CAND1: variants seen among roughly 807,000 people sequenced by gnomAD.
CAND1 encodes the protein cullin associated and neddylation dissociated 1.
A neutral mutation model predicts 108.5 loss-of-function variants in CAND1; 7 were observed. The observed-to-expected ratio is 0.06, with a 90% CI of 0.04 to 0.12. The LOEUF is 0.12. Ranked by LOEUF, CAND1 falls within the 10% of genes least tolerant of loss-of-function variation. CAND1 has a pLI of 1.00. For missense variants in CAND1, 941 were observed against 1,448.7 expected (o/e 0.65, Z 5.69); for synonymous variants, 534 against 512.0 (o/e 1.04, Z -0.58).
rs139132480 is a variant in CAND1, at chr12:67,310,391, A to G, written c.3360+75A>G. On this transcript the variant is annotated intron_variant, in intron 13 of 14. Transcript: ENST00000545606. ...AGAGCAACTTTCACCCTTGTAATTT[A>G]CTCATGTGTCTGAGAAAAATCAGGT... 1.5e-3 allele frequency: 1,661 copies of G among 1,073,212 alleles called. 26 individuals carry two copies. The African/African-American group carries it at 0.024, about 15-fold the overall frequency. 66.5% of individuals were successfully genotyped at this position (1,073,212 alleles called of 1,614,324 possible). A position where few individuals can be genotyped will look rare whatever the true frequency, so the allele number is the denominator to read the frequency against.
At chr12:67,273,348 A>AT (rs774153861) in intron 1 of CAND1, among the ~76,000 whole-genome samples, 1 of 152,164 alleles carries the variant, frequency 6.6e-6, no homozygotes, top group African/African-American at 2.4e-5. Context: ...AGTAAACCTT[A>AT]TAATGTAGCC....
At chr12:67,308,818 C>CT (rs528304244) in intron 11 of CAND1, among the ~76,000 whole-genome samples, 6 of 149,008 alleles carry the variant, frequency 4.0e-5, no homozygotes, top group Non-Finnish European at 4.5e-5. Flanking sequence ...GTTTCTCAGA[C>CT]TTTTTTTTTT....
chr12:67,310,120 G>A (rs768907585), intron 12 of CAND1, 32 bp from the exon 13 acceptor site: 40 of 1,610,170 alleles, frequency 2.5e-5, no homozygotes, highest in Non-Finnish European at 3.4e-5. Context: ...CTTAAGTATT[G>A]TATATCCACA....
intron 2 of CAND1, among the ~76,000 whole-genome samples, chr12:67,283,603 T>G (rs576362810): frequency 7.0e-4 from 105 of 150,658 alleles, no homozygotes; most frequent in Middle Eastern, 3.5e-3. Context: ...AAAAAAGGTG[T>G]TATAGAATGA....
rs2044989438 is a variant in CAND1 at position 67,314,601 on chromosome 12, C to T, written c.*1771C>T. ...CATGGTTTTACAATAAATTACAATACTGCAGGCTCTAGGACTGAACAGGAG... is the reference window on the plus strand; with the variant it reads ...CATGGTTTTACAATAAATTACAATATTGCAGGCTCTAGGACTGAACAGGAG... On this transcript the variant is annotated 3_prime_UTR_variant, in exon 15 of 15. Coordinates refer to ENST00000545606, the MANE Select transcript of CAND1 (RefSeq NM_018448.5). 6.6e-6 allele frequency: 1 copy of T among 152,214 alleles called. No individual in the cohort carries two copies. The highest frequency in any genetic ancestry group is 2.1e-4 in the South Asian group (1 of 4,830). The allele number at this position is 152,214 out of a possible 1,614,324, so 9.4% of individuals were successfully genotyped here.
intron 4 of CAND1, among the ~76,000 whole-genome samples, chr12:67,297,116 T>C (rs538263750): frequency 1.3e-5 from 2 of 152,220 alleles, no homozygotes; most frequent in African/African-American, 4.8e-5. Context: ...TTTGTTTTTG[T>C]TTTTTAATAT....
chr12:67,312,761 G>A lies in CAND1; in HGVS notation c.3624G>A (p.Leu1208=). ...CACAGATCAGTTCTAACCCTGAGCT[G>A]GCGGCTATCTTTGAAAGTATCCAGA... is the stretch of plus-strand genomic sequence containing the variant. ...FQSQISSNPE[L]AAIFESIQKD... Residue 1208 remains leucine, a synonymous_variant, in exon 15 of 15, where the codon CTG becomes CTA. Transcript: ENST00000545606. The A allele has an allele frequency of 6.2e-7, 1 of 1,613,734 alleles. No individual in the cohort carries two copies. The highest frequency in any genetic ancestry group is 8.5e-7 in the Non-Finnish European group (1 of 1,179,810).
At chr12:67,270,747 C>G (rs1267855310) in intron 1 of CAND1, 1 of 146,480 alleles carries the variant, frequency 6.8e-6, no homozygotes, top group Admixed American at 7.0e-5. Context: ...CCTCCCATCT[C>G]TTCACAAATA....
At chr12:67,292,489 T>C (rs944197134) in intron 2 of CAND1, 133 bp from the exon 3 acceptor site, 13 of 583,728 alleles carry the variant, frequency 2.2e-5, no homozygotes, top group African/African-American at 2.2e-4. Context: ...ATTTGTATAC[T>C]ATTTATGATA....
rs1274395271 is a variant in CAND1 at position 67,314,620 on chromosome 12, A to C, written c.*1790A>C. On this transcript the variant is annotated 3_prime_UTR_variant, in exon 15 of 15. Transcript: ENST00000545606. ...ACAATACTGCAGGCTCTAGGACTGA[A>C]CAGGAGACTGACATGCATATGTTGT... 2 of 152,254 alleles carry C rather than the reference A, an allele frequency of 1.3e-5. No homozygotes were observed. Among genetic ancestry groups the C allele is most frequent in the Non-Finnish European group, 2.9e-5 (2 of 68,052 alleles). 9.4% of individuals were successfully genotyped at this position (152,254 alleles called of 1,614,324 possible). A position where few individuals can be genotyped will look rare whatever the true frequency, so the allele number is the denominator to read the frequency against.
Position 67,297,777 on chromosome 12 carries a change from G to T in CAND1, c.778G>T (p.Val260Leu), listed in dbSNP as rs374736192. 2 of 1,609,426 alleles carry T rather than the reference G, an allele frequency of 1.2e-6. No homozygotes were observed. Among genetic ancestry groups the T allele is most frequent in the Non-Finnish European group, 1.7e-6 (2 of 1,176,756 alleles). Residue 260 changes from valine to leucine, a missense_variant, in exon 6 of 15, where the codon GTG (valine) becomes TTG (leucine). Around this residue, in one of 9 missense-constraint regions of CAND1, gnomAD observed 697 missense variants for 942.0 expected, o/e 0.74. Coordinates refer to ENST00000545606, the MANE Select transcript of CAND1 (RefSeq NM_018448.5). ...GEYLEKIIPLVVKFCNVDDDE... is the reference protein window; with the variant it reads ...GEYLEKIIPLLVKFCNVDDDE... ...ATACCTTGAGAAGATAATTCCTTTGGTGGTAAAATTTTGCAATGTAGATGA... is the reference window on the plus strand; with the variant it reads ...ATACCTTGAGAAGATAATTCCTTTGTTGGTAAAATTTTGCAATGTAGATGA...
Position 67,307,455 on chromosome 12 carries a change from T to G in CAND1, c.2988T>G (p.His996Gln). ...CTGTGAAATTTACAATTTCTGACCATCCACAACCTATTGATCCACTGTTAA... is the reference window on the plus strand; with the variant it reads ...CTGTGAAATTTACAATTTCTGACCAGCCACAACCTATTGATCCACTGTTAA... ...VTAVKFTISDHPQPIDPLLKN... is the reference protein window; with the variant it reads ...VTAVKFTISDQPQPIDPLLKN... Residue 996 changes from histidine (H) to glutamine (Q), a missense_variant, in exon 11 of 15, where the codon CAT (histidine) becomes CAG (glutamine). Around this residue, in one of 9 missense-constraint regions of CAND1, gnomAD observed 106 missense variants for 182.0 expected, o/e 0.58. Transcript: ENST00000545606. 1 of 1,610,804 alleles carries G rather than the reference T, an allele frequency of 6.2e-7. No homozygotes were observed.
At position 67,312,716 on chromosome 12, in the gene CAND1, A is replaced by G. The variant is rs532569202; in HGVS notation, c.3579A>G (p.Pro1193=). The G allele has an allele frequency of 2.5e-5, 40 of 1,613,858 alleles. No individual in the cohort carries two copies. The South Asian group carries it at 4.3e-4, about 17-fold the overall frequency. The change falls in exon 15 of 15, where the codon CCA becomes CCG. Residue 1193 remains proline (P), a synonymous_variant. Transcript: ENST00000545606. ...LLTIPEAEKS[P]LMSEFQSQIS... ...CCATTCCAGAAGCAGAGAAGAGTCCACTGATGAGTGAATTCCAGTCACAGA... is the reference window on the plus strand; with the variant it reads ...CCATTCCAGAAGCAGAGAAGAGTCCGCTGATGAGTGAATTCCAGTCACAGA...
chr12:67,275,599 A>C (rs2044561993), intron 1 of CAND1, among the ~76,000 whole-genome samples: 1 of 152,138 alleles, frequency 6.6e-6, no homozygotes, highest in African/African-American at 2.4e-5. Flanking sequence ...GTGAAATAGC[A>C]GTGGTGTATG....
chr12:67,280,617 T>G (rs1200082515), intron 1 of CAND1, among the ~76,000 whole-genome samples: 1 of 152,242 alleles, frequency 6.6e-6, no homozygotes, highest in Non-Finnish European at 1.5e-5. Context: ...CAAGTTCATT[T>G]GACTTTTAAG....
Position 67,305,350 on chromosome 12 carries a change from C to T in CAND1, c.1682C>T (p.Ala561Val). 1 of 1,614,048 alleles carries T rather than the reference C, an allele frequency of 6.2e-7. No individual in the cohort carries two copies. The highest frequency in any genetic ancestry group is 1.3e-5 in the African/African-American group (1 of 75,032). The change falls in exon 10 of 15, where the codon GCA becomes GTA. Residue 561 changes from alanine to valine, a missense_variant. Around this residue, in one of 9 missense-constraint regions of CAND1, gnomAD observed 697 missense variants for 942.0 expected, o/e 0.74. Coordinates refer to ENST00000545606, the MANE Select transcript of CAND1 (RefSeq NM_018448.5). This position sits in a 1 kb window ranked among gnomAD's most constrained non-coding sequence, Gnocchi z 4.4. ...TTAGATCAGCCTTCCTCGTTTGATG[C>T]AACTCCTTATATCAAAGATCTATTT... ...RPLDQPSSFD[A>V]TPYIKDLFTC...
intron 1 of CAND1, among the ~76,000 whole-genome samples, chr12:67,279,879 G>A (rs2044604074): frequency 6.6e-6 from 1 of 152,164 alleles, no homozygotes. Flanking sequence ...CAGGTAACTG[G>A]CACTGCAGTG....
intron 3 of CAND1, 81 bp from the exon 4 acceptor site, chr12:67,294,952 A>C: frequency 6.9e-7 from 1 of 1,457,006 alleles, no homozygotes; most frequent in Non-Finnish European, 9.3e-7. Flanking sequence ...GGAGTTGTTA[A>C]ATATTTGGTA....
intron 1 of CAND1, among the ~76,000 whole-genome samples, chr12:67,273,352 T>C (rs979790212): frequency 1.3e-5 from 2 of 152,140 alleles, no homozygotes; most frequent in Non-Finnish European, 2.9e-5. Context: ...AACCTTATAA[T>C]GTAGCCAATA....
Sources: gnomAD v4.1 joint callset for allele counts (sites outside exome capture counted in the v4.1 genomes callset) on GRCh38, gnomAD v4.1.1 for gene constraint, gnomAD v4.1.1 regional missense constraint, Gnocchi (gnomAD v3.1) non-coding constraint, MANE v1.5 for transcripts, NCBI Gene and HGNC (gene_info 2026-07-23, HGNC 2026-07-21) for gene names.